Variants in CYP7B1 observed in about 807,000 individuals in gnomAD.
The protein encoded by CYP7B1 is cytochrome P450 family 7 subfamily B member 1.
A neutral mutation model predicts 42.7 loss-of-function variants in CYP7B1; 29 were observed. The ratio of observed to expected loss-of-function variants is 0.68; its 90% CI spans 0.51 to 0.93. The LOEUF is 0.93. Among genes scored for constraint, CYP7B1 ranks in the 40% least tolerant of loss-of-function variants. The pLI is 0.00. For synonymous variants in CYP7B1, 235 were observed against 218.2 expected, an observed-to-expected ratio of 1.08 and a Z score of -0.68; for missense variants, 655 against 600.5, an observed-to-expected ratio of 1.09 and a Z score of -0.95.
intron 1 of CYP7B1, among the ~76,000 whole-genome samples, chr8:64,743,497 A>T (rs1251763507): frequency 6.6e-6 from 1 of 152,202 alleles, no homozygotes; most frequent in Non-Finnish European, 1.5e-5. Flanking sequence ...AAAGTCCAAG[A>T]TCAAGGTGTC....
chr8:64,748,562 G>A (rs1328984191), intron 1 of CYP7B1, among the ~76,000 whole-genome samples: 9 of 152,118 alleles, frequency 5.9e-5, no homozygotes, highest in African/African-American at 2.4e-5. Context: ...TGCTTAGCCT[G>A]CCTCCCACAC....
chr8:64,787,763 C>T (rs1283350211), intron 1 of CYP7B1, among the ~76,000 whole-genome samples: 3 of 152,174 alleles, frequency 2.0e-5, no homozygotes, highest in African/African-American at 7.2e-5. Context: ...TCCATTTTCA[C>T]ACTGCTATTA....
At chr8:64,688,782 C>G (rs558037113) in intron 1 of CYP7B1, among the ~76,000 whole-genome samples, 1 of 152,140 alleles carries the variant, frequency 6.6e-6, no homozygotes, top group Non-Finnish European at 1.5e-5. Context: ...CAAAAATTGG[C>G]CAAGCACACT....
At chr8:64,623,829 T>C (rs2129630408) in intron 2 of CYP7B1, among the ~76,000 whole-genome samples, 1 of 152,280 alleles carries the variant, frequency 6.6e-6, no homozygotes, top group South Asian at 2.1e-4. Context: ...CTCCATATGA[T>C]ACTGTGATGG....
chr8:64,758,398 T>C (rs908993238), intron 1 of CYP7B1, among the ~76,000 whole-genome samples: 1 of 152,160 alleles, frequency 6.6e-6, no homozygotes, highest in Non-Finnish European at 1.5e-5. Context: ...GTCCAAGAGA[T>C]TGGATTCAAG....
chr8:64,761,801 GA>G (rs1305855165), intron 1 of CYP7B1, among the ~76,000 whole-genome samples: 2 of 152,138 alleles, frequency 1.3e-5, no homozygotes, highest in African/African-American at 4.8e-5. Flanking sequence ...TCCTAAATAA[GA>G]CTTCAGATTA....
intron 4 of CYP7B1, among the ~76,000 whole-genome samples, chr8:64,612,837 CAT>C (rs916137218): frequency 1.5e-4 from 23 of 152,110 alleles, no homozygotes; most frequent in African/African-American, 5.3e-4. Flanking sequence ...CACATACACA[CAT>C]ACCACGTGGC....
intron 1 of CYP7B1, among the ~76,000 whole-genome samples, chr8:64,782,368 G>A (rs141071086): frequency 6.6e-6 from 1 of 152,114 alleles, no homozygotes; most frequent in African/African-American, 2.4e-5. Flanking sequence ...TATAAAAGAA[G>A]CCCAACAGGT....
intron 1 of CYP7B1, among the ~76,000 whole-genome samples, chr8:64,675,815 T>C (rs1319097608): frequency 6.6e-6 from 1 of 152,124 alleles, no homozygotes; most frequent in Non-Finnish European, 1.5e-5. Flanking sequence ...GGTTCATACA[T>C]TTTTCCTGTG....
intron 1 of CYP7B1, among the ~76,000 whole-genome samples, chr8:64,785,703 G>A (rs1804514477): frequency 6.6e-6 from 1 of 152,132 alleles, no homozygotes. Flanking sequence ...CAAAGGTTAG[G>A]TAGGTAAGAG....
chr8:64,755,979 G>A (rs537976525), intron 1 of CYP7B1, among the ~76,000 whole-genome samples: 2 of 152,212 alleles, frequency 1.3e-5, no homozygotes, highest in East Asian at 3.9e-4. Flanking sequence ...ACAGGTGGTG[G>A]GCTGGCTTTG....
At chr8:64,700,322 G>A (rs530070466) in intron 1 of CYP7B1, among the ~76,000 whole-genome samples, 4 of 151,970 alleles carry the variant, frequency 2.6e-5, no homozygotes, top group African/African-American at 7.2e-5. Context: ...TCCTAGTAAC[G>A]GTGGCCACTA....
At chr8:64,787,145 G>A (rs1804541458) in intron 1 of CYP7B1, among the ~76,000 whole-genome samples, 2 of 152,192 alleles carry the variant, frequency 1.3e-5, no homozygotes, top group Non-Finnish European at 1.5e-5. Flanking sequence ...GGTCTCCAAC[G>A]CCCTGCAGAC....
chr8:64,776,256 T>A (rs1039826808), intron 1 of CYP7B1, among the ~76,000 whole-genome samples: 1 of 152,120 alleles, frequency 6.6e-6, no homozygotes, highest in Non-Finnish European at 1.5e-5. Context: ...TCTAAAGTCA[T>A]CCTTTGACAG....
chr8:64,789,034 C>T (rs1008943809), intron 1 of CYP7B1, among the ~76,000 whole-genome samples: 1 of 152,168 alleles, frequency 6.6e-6, no homozygotes, highest in Non-Finnish European at 1.5e-5. Flanking sequence ...GATTCTCCTG[C>T]CTCAGCCTCC....
intron 1 of CYP7B1, among the ~76,000 whole-genome samples, chr8:64,714,670 G>A (rs1259910020): frequency 6.6e-6 from 1 of 152,196 alleles, no homozygotes; most frequent in Non-Finnish European, 1.5e-5. Flanking sequence ...GTGATGGACA[G>A]GTCTGGACAC....
chr8:64,702,405 G>A (rs1406008924), intron 1 of CYP7B1, among the ~76,000 whole-genome samples: 1 of 152,016 alleles, frequency 6.6e-6, no homozygotes, highest in Non-Finnish European at 1.5e-5. Context: ...ATCTTCTTGA[G>A]GTCATTCATT....
At chr8:64,730,513 A>G (rs1277565414) in intron 1 of CYP7B1, among the ~76,000 whole-genome samples, 1 of 152,188 alleles carries the variant, frequency 6.6e-6, no homozygotes. Flanking sequence ...GTGACCCATC[A>G]TGACAGACTT....
At chr8:64,695,603 CT>C (rs35575527) in intron 1 of CYP7B1, among the ~76,000 whole-genome samples, 10,418 of 99,334 alleles carry the variant, frequency 0.1, 624 homozygotes, top group East Asian at 0.3. Context: ...TATCAAATTC[CT>C]TTTTTTTTTT....
Sources: gnomAD v4.1 joint callset for allele counts (sites outside exome capture counted in the v4.1 genomes callset) on GRCh38, gnomAD v4.1.1 for gene constraint, MANE v1.5 for transcripts, NCBI Gene and HGNC (gene_info 2026-07-23, HGNC 2026-07-21) for gene names.